Variants in KCNC4 observed in about 807,000 individuals in gnomAD.
KCNC4 encodes voltage-gated potassium channel KCNC4.
Under a neutral mutation model 42.8 loss-of-function variants are expected in KCNC4, and 23 were observed. That is an observed-to-expected ratio of 0.54 (90% CI 0.39 to 0.76). KCNC4 has a LOEUF of 0.76. Ranked by LOEUF, KCNC4 falls within the 30% of genes least tolerant of loss-of-function variation. The probability of loss-of-function intolerance (pLI) is 0.00; values close to 1 mark genes in which losing one functional copy is unlikely to be tolerated. For missense variants in KCNC4, 751 were observed against 898.2 expected, an observed-to-expected ratio of 0.84 and a Z score of 2.10; for synonymous variants, 422 against 393.5, an observed-to-expected ratio of 1.07 and a Z score of -0.86.
chr1:110,271,051 A>AAAAC (rs1213519834), intron 1 of KCNC4, among the ~76,000 whole-genome samples: 1 of 152,210 alleles, frequency 6.6e-6, no homozygotes, highest in African/African-American at 2.4e-5. Context: ...GTAGAAATAG[A>AAAAC]AAACAAACAA....
downstream of KCNC4, among the ~76,000 whole-genome samples, chr1:110,251,349 G>A (rs1433357229): frequency 1.3e-5 from 2 of 152,178 alleles, no homozygotes; most frequent in South Asian, 2.1e-4. Context: ...TTCCCATGCT[G>A]TTCTCACAAT....
chr1:110,241,660 C>T (rs1001021108), exon 4 of KCNC4: 2 of 152,202 alleles, frequency 1.3e-5, no homozygotes, highest in African/African-American at 4.8e-5. Flanking sequence ...TCTTCCTGCT[C>T]CTTGTGCTCC....
downstream of KCNC4, chr1:110,236,977 A>T (rs1463254008): frequency 1.3e-5 from 2 of 152,138 alleles, no homozygotes; most frequent in Non-Finnish European, 2.9e-5. Flanking sequence ...GTAGGTATAT[A>T]TAAGAACCTT....
At position 110,223,552 on chromosome 1, in the gene KCNC4, A is replaced by T; in HGVS notation, c.1267A>T (p.Ile423Phe). The change falls in exon 2 of 4, where the codon ATC (isoleucine) becomes TTC (phenylalanine). Residue 423 changes from isoleucine (I) to phenylalanine (F), a missense_variant. Around this residue, in one of 4 missense-constraint regions of KCNC4, gnomAD observed 185 missense variants for 293.7 expected, o/e 0.63. Coordinates refer to ENST00000438661, the MANE Select transcript of KCNC4 (RefSeq NM_001039574.3). The surrounding 1 kb of genome is among the most constrained non-coding windows in gnomAD (Gnocchi z 7.5). ...TAATGACCACACCGACTTCAAGAACATCCCCATTGGCTTCTGGTGGGCTGT... is the reference window on the plus strand; with the variant it reads ...TAATGACCACACCGACTTCAAGAACTTCCCCATTGGCTTCTGGTGGGCTGT... The part of the protein sequence containing the change: ...RGNDHTDFKN[I>F]PIGFWWAVVT... The T allele has an allele frequency of 6.2e-7, 1 of 1,613,940 alleles. No homozygotes were observed. The highest frequency in any genetic ancestry group is 8.5e-7 in the Non-Finnish European group (1 of 1,180,014).
At chr1:110,243,446 C>T (rs1225467768) in exon 4 of KCNC4, 2 of 152,426 alleles carry the variant, frequency 1.3e-5, no homozygotes, top group East Asian at 3.8e-4. Flanking sequence ...CTCAGCCCCA[C>T]CTTCCATTCC....
At position 110,226,028 on chromosome 1, in the gene KCNC4, G is replaced by A; in HGVS notation, c.1669G>A (p.Gly557Ser). Residue 557 changes from glycine to serine, a missense_variant, in exon 3 of 4, where the codon GGC becomes AGC. Gly to Ser is a moderately conservative substitution (Grantham distance 56). Coordinates refer to ENST00000438661, the MANE Select transcript of KCNC4 (RefSeq NM_001039574.3). ...NAVLSDEEGA[G>S]LTQPLASSPT... Reference sequence around the variant, plus strand: ...AGTGCTGTCTGATGAGGAGGGAGCTGGCCTCACCCAACCCCTGGCCTCCTC... The same window carrying A: ...AGTGCTGTCTGATGAGGAGGGAGCTAGCCTCACCCAACCCCTGGCCTCCTC... 9.9e-6 allele frequency: 16 copies of A among 1,613,532 alleles called. No individual in the cohort carries two copies. The highest frequency in any genetic ancestry group is 1.4e-5 in the Non-Finnish European group (16 of 1,179,674).
intron 2 of KCNC4, chr1:110,225,409 C>G (rs1377496522): frequency 6.6e-6 from 1 of 152,368 alleles, no homozygotes; most frequent in Non-Finnish European, 1.5e-5. Flanking sequence ...CTCATGGTAT[C>G]CTCCCCAGAC....
intron 3 of KCNC4, among the ~76,000 whole-genome samples, chr1:110,226,572 C>T (rs184793477): frequency 8.3e-4 from 127 of 152,320 alleles, no homozygotes; most frequent in African/African-American, 2.9e-3. Context: ...GCTAAGGCTT[C>T]CCAAGTAGGT....
intron 3 of KCNC4, among the ~76,000 whole-genome samples, chr1:110,228,293 T>A (rs1457450445): frequency 1.3e-5 from 2 of 152,116 alleles, no homozygotes; most frequent in African/African-American, 4.8e-5. Context: ...GGGGTCTTTG[T>A]CTAGCTGGGC....
chr1:110,255,373 G>A (rs887317514), intron 1 of KCNC4, among the ~76,000 whole-genome samples: 2 of 152,134 alleles, frequency 1.3e-5, no homozygotes, highest in African/African-American at 4.8e-5. Context: ...CTTAGGCTCT[G>A]CAGTTTTGCA....
chr1:110,268,118 C>A (rs867692251), intron 1 of KCNC4, among the ~76,000 whole-genome samples: 11 of 152,262 alleles, frequency 7.2e-5, no homozygotes, highest in Middle Eastern at 3.4e-3. Context: ...CCATATGTAT[C>A]TGAGATATTT....
intron 1 of KCNC4, among the ~76,000 whole-genome samples, chr1:110,278,313 G>C (rs1017614569): frequency 1.3e-5 from 2 of 152,142 alleles, no homozygotes; most frequent in Non-Finnish European, 1.5e-5. Context: ...GATGATATGA[G>C]TCAATGGTTT....
chr1:110,237,928 A>C (rs908977000), downstream of KCNC4: 1 of 152,294 alleles, frequency 6.6e-6, no homozygotes, highest in Non-Finnish European at 1.5e-5. Flanking sequence ...CCTGGCTCCA[A>C]GCCCTGTGTG....
intron 1 of KCNC4, among the ~76,000 whole-genome samples, chr1:110,271,865 G>A (rs1471564048): frequency 6.6e-6 from 1 of 152,088 alleles, no homozygotes; most frequent in Non-Finnish European, 1.5e-5. Context: ...GCATCTGAAA[G>A]AGGAGGAGGA....
At chr1:110,229,097 C>T (rs1658562312) in intron 3 of KCNC4, 1 of 152,264 alleles carries the variant, frequency 6.6e-6, no homozygotes, top group Non-Finnish European at 1.5e-5. Context: ...TATCTTTAAT[C>T]ACTGTGAATG....
rs576893410 is a variant in KCNC4 at position 110,261,129 on chromosome 1, G to A, written n.31-21405G>A. Among the ~76,000 whole-genome samples, 431 of 150,550 alleles carry A rather than the reference G, an allele frequency of 2.9e-3. 3 individuals are homozygous for A. The highest frequency in any genetic ancestry group is 9.0e-3 in the African/African-American group (363 of 40,530). On this transcript the variant is annotated intron_variant and non_coding_transcript_variant, in intron 1 of 2. Coordinates refer to the KCNC4 transcript ENST00000412512. ...AAACTTTCTCAATTTTTTCATTGAT[G>A]CTTGAAGTCATTACAATGCTTAATC...
At chr1:110,222,682 A>ACC in intron 1 of KCNC4, 3 of 408,212 alleles carry the variant, frequency 7.3e-6, no homozygotes, top group Non-Finnish European at 1.3e-5. Context: ...GGGCAGAGCT[A>ACC]TCAAAGGCAG....
At position 110,223,792 on chromosome 1, in the gene KCNC4, G is replaced by C. The variant is rs1181043145; in HGVS notation, c.1507G>C (p.Glu503Gln). The C allele has an allele frequency of 1.2e-6, 2 of 1,614,152 alleles. No individual in the cohort carries two copies. The highest frequency in any genetic ancestry group is 2.2e-5 in the East Asian group (1 of 44,864). Residue 503 changes from glutamate to glutamine, a missense_variant, in exon 2 of 4, where the codon GAG becomes CAG. Physicochemically the swap from Glu to Gln is conservative, Grantham distance 29. Transcript: ENST00000438661. This position sits in a 1 kb window ranked among gnomAD's most constrained non-coding sequence, Gnocchi z 7.5. Reference protein sequence around the residue: ...KKHVPRPAQLESPMYCKSEET... With the variant: ...KKHVPRPAQLQSPMYCKSEET... The stretch of plus-strand genomic sequence containing the variant: ...GCACGTGCCACGGCCGGCGCAGCTG[G>C]AGTCACCCATGTACTGCAAGTCTGA...
chr1:110,231,961 G>C (rs1658714741), intron 3 of KCNC4, among the ~76,000 whole-genome samples: 2 of 152,126 alleles, frequency 1.3e-5, no homozygotes, highest in Non-Finnish European at 2.9e-5. Flanking sequence ...TTGACAGGAG[G>C]CCTAGCCCTA....
Sources: allele counts gnomAD v4.1 joint callset (sites outside exome capture counted in the v4.1 genomes callset), GRCh38; gene constraint gnomAD v4.1.1; regional missense constraint gnomAD v4.1.1; non-coding constraint Gnocchi (gnomAD v3.1); transcripts MANE v1.5; gene names NCBI Gene and HGNC (gene_info 2026-07-23, HGNC 2026-07-21).